Variants in ADK observed in about 807,000 individuals in gnomAD.
ADK encodes N6,N6-dimethyladenosine kinase.
In ADK, 24 loss-of-function variants were observed where a neutral mutation model predicts 44.7. The observed-to-expected ratio is 0.54, with a 90% CI of 0.39 to 0.76. ADK has a LOEUF of 0.76. Ranked by LOEUF, ADK falls within the 30% of genes least tolerant of loss-of-function variation. The probability of loss-of-function intolerance (pLI) is 0.00; values close to 1 mark genes in which losing one functional copy is unlikely to be tolerated. For missense variants in ADK, 321 were observed against 425.1 expected, an observed-to-expected ratio of 0.76 and a Z score of 2.15; for synonymous variants, 128 against 142.6, an observed-to-expected ratio of 0.90 and a Z score of 0.73.
intron 6 of ADK, among the ~76,000 whole-genome samples, chr10:74,522,933 A>G (rs1848895455): frequency 1.3e-5 from 2 of 152,150 alleles, no homozygotes; most frequent in Middle Eastern, 6.8e-3. Context: ...CCCTGCCCTT[A>G]AAAGCAAATC....
intron 9 of ADK, among the ~76,000 whole-genome samples, chr10:74,649,157 G>T (rs950132798): frequency 2.0e-5 from 3 of 152,128 alleles, no homozygotes; most frequent in Non-Finnish European, 4.4e-5. Context: ...AGTTTGCAGT[G>T]AGTCAAGATC....
intron 6 of ADK, among the ~76,000 whole-genome samples, chr10:74,448,153 A>G (rs1845647931): frequency 7.0e-6 from 1 of 142,246 alleles, no homozygotes; most frequent in Non-Finnish European, 1.5e-5. Context: ...AGCCTAGGCA[A>G]CAGAGTGAGA....
intron 4 of ADK, among the ~76,000 whole-genome samples, chr10:74,337,718 T>A (rs189555408): frequency 6.6e-6 from 1 of 152,250 alleles, no homozygotes; most frequent in Non-Finnish European, 1.5e-5. Context: ...AAGAGCTTAC[T>A]AACTGTGAGC....
intron 4 of ADK, among the ~76,000 whole-genome samples, chr10:74,387,552 A>G (rs1186444229): frequency 6.6e-6 from 1 of 152,170 alleles, no homozygotes; most frequent in East Asian, 1.9e-4. Context: ...TTTTCTTTCT[A>G]GTTTGTAACC....
chr10:74,703,684 C>A (rs1046163550), intron 10 of ADK, among the ~76,000 whole-genome samples: 1 of 152,102 alleles, frequency 6.6e-6, no homozygotes, highest in African/African-American at 2.4e-5. Flanking sequence ...GGGTAATTGA[C>A]TAAATTGAAA....
chr10:74,427,938 G>A (rs780890500), intron 6 of ADK, among the ~76,000 whole-genome samples: 6 of 152,076 alleles, frequency 3.9e-5, no homozygotes, highest in East Asian at 1.9e-4. Context: ...GCTCCAAACC[G>A]AAGGTGTTTG....
intron 7 of ADK, among the ~76,000 whole-genome samples, chr10:74,576,894 G>A (rs1257232336): frequency 3.3e-5 from 5 of 152,058 alleles, no homozygotes. Flanking sequence ...TCTGAAAGGA[G>A]GGTCTACATG....
chr10:74,168,425 G>A (rs144973253), intron 1 of ADK, among the ~76,000 whole-genome samples: 10,564 of 150,672 alleles, frequency 0.07, 1,271 homozygotes, highest in African/African-American at 0.24. Context: ...TGTAGTTCCA[G>A]CTACTTGGGA....
chr10:74,249,395 G>T (rs1845559030), intron 3 of ADK, among the ~76,000 whole-genome samples: 1 of 152,052 alleles, frequency 6.6e-6, no homozygotes, highest in Admixed American at 6.6e-5. Context: ...GTGTCACTGT[G>T]TCTATGCTTC....
At chr10:74,218,708 A>G (rs980361188) in intron 2 of ADK, among the ~76,000 whole-genome samples, 2 of 152,228 alleles carry the variant, frequency 1.3e-5, no homozygotes, top group African/African-American at 2.4e-5. Flanking sequence ...AGTGGGGGCC[A>G]ATATTCAACA....
intron 7 of ADK, among the ~76,000 whole-genome samples, chr10:74,577,825 C>T (rs1324348907): frequency 6.6e-6 from 1 of 152,242 alleles, no homozygotes; most frequent in African/African-American, 2.4e-5. Flanking sequence ...AGCGCTCTCT[C>T]TTTAAAGTTC....
chr10:74,536,469 T>C (rs960139315), intron 7 of ADK, among the ~76,000 whole-genome samples: 3 of 104,242 alleles, frequency 2.9e-5, no homozygotes, highest in Non-Finnish European at 7.2e-5. Flanking sequence ...TACTTTCTTT[T>C]TTTAATTCTG....
Position 74,508,627 on chromosome 10 carries a change from T to C in ADK, c.556-16629T>C, listed in dbSNP as rs148096071. 3.9e-5 allele frequency among the ~76,000 whole-genome samples: 6 copies of C among 152,210 alleles called. No individual in the cohort carries two copies. In the East Asian group the frequency reaches 1.2e-3, roughly 29 times the overall value. ...GATTAGCAAAAATTTTTAAAATAAG[T>C]TTACTAGTTGGTTTAAACTAAGGAG... On this transcript the variant is annotated intron_variant, in intron 6 of 10. Coordinates refer to ENST00000539909, the MANE Select transcript of ADK (RefSeq NM_006721.4).
chr10:74,603,798 T>C (rs1003043951), intron 9 of ADK, among the ~76,000 whole-genome samples: 2 of 152,202 alleles, frequency 1.3e-5, no homozygotes, highest in African/African-American at 4.8e-5. Flanking sequence ...TGGTATTTCC[T>C]GTTCTAGATC....
chr10:74,545,092 C>T (rs1301335831), intron 7 of ADK, among the ~76,000 whole-genome samples: 3 of 152,074 alleles, frequency 2.0e-5, no homozygotes, highest in Admixed American at 6.6e-5. Context: ...CAGGGTCATA[C>T]AGATTCTACT....
intron 10 of ADK, among the ~76,000 whole-genome samples, chr10:74,689,744 AC>A (rs2134260650): frequency 6.6e-6 from 1 of 152,312 alleles, no homozygotes; most frequent in African/African-American, 2.4e-5. Context: ...CTGGGACATA[AC>A]CTGTTTCATT....
intron 6 of ADK, among the ~76,000 whole-genome samples, chr10:74,487,559 C>T (rs1205725330): frequency 6.6e-6 from 1 of 150,610 alleles, no homozygotes; most frequent in Non-Finnish European, 1.5e-5. Flanking sequence ...ATTTTGAGAA[C>T]GAATTTAGTA....
chr10:74,559,333 C>A (rs1408698833), intron 7 of ADK, among the ~76,000 whole-genome samples: 1 of 152,248 alleles, frequency 6.6e-6, no homozygotes, highest in African/African-American at 2.4e-5. Flanking sequence ...TACTTTAATT[C>A]TGTTTTGTAT....
intron 9 of ADK, chr10:74,655,451 G>A (rs1854445618): frequency 4.4e-6 from 2 of 453,470 alleles, no homozygotes; most frequent in African/African-American, 2.0e-5. Flanking sequence ...TGATGACCCT[G>A]GGCTGAGGAA....
Sources: allele counts gnomAD v4.1 joint callset (sites outside exome capture counted in the v4.1 genomes callset), GRCh38; gene constraint gnomAD v4.1.1; transcripts MANE v1.5; gene names NCBI Gene and HGNC (gene_info 2026-07-23, HGNC 2026-07-21).